The following SORBS2 variants were observed in gnomAD, a reference collection of about 807,000 sequenced individuals.
SORBS2 encodes the protein sorbin and SH3 domain containing 2, also known as sorbin and SH3 domain-containing protein 2.
Under a neutral mutation model 97.7 loss-of-function variants are expected in SORBS2, and 46 were observed. The observed-to-expected ratio is 0.47, with a 90% CI of 0.37 to 0.60. The LOEUF (loss-of-function observed/expected upper bound fraction) is 0.60, where lower values mean the gene tolerates loss of function less well. SORBS2 is among the 20% of genes least tolerant of loss of function. The pLI is 0.00. For missense variants in SORBS2, 1,316 were observed against 1,282.3 expected, an observed-to-expected ratio of 1.03 and a Z score of -0.40; for synonymous variants, 476 against 473.4, an observed-to-expected ratio of 1.01 and a Z score of -0.07.
intron 5 of SORBS2, 90 bp downstream of exon 8, chr4:185,662,014 C>T (rs1000630285): frequency 4.3e-5 from 62 of 1,453,592 alleles, no homozygotes; most frequent in Middle Eastern, 4.5e-4. Context: ...TGAGCGCTCC[C>T]GCCTCACCTT....
At chr4:185,930,996 A>G (rs747907821) in intron 1 of SORBS2, among the ~76,000 whole-genome samples, 1 of 152,188 alleles carries the variant, frequency 6.6e-6, no homozygotes, top group Non-Finnish European at 1.5e-5. Flanking sequence ...ATAGTAAGTT[A>G]GAGAATGCTG....
At chr4:185,688,874 A>G (rs917679074) in intron 2 of SORBS2, among the ~76,000 whole-genome samples, 7 of 151,892 alleles carry the variant, frequency 4.6e-5, no homozygotes, top group African/African-American at 1.7e-4. Flanking sequence ...TTTGAATACC[A>G]TATTTTCCAA....
chr4:185,745,422 C>A (rs573202733), intron 2 of SORBS2, among the ~76,000 whole-genome samples: 20 of 152,142 alleles, frequency 1.3e-4, no homozygotes, highest in African/African-American at 4.6e-4. Flanking sequence ...GCTTCACTTG[C>A]GTTAAGAATT....
chr4:185,590,420 GA>G (rs2153355553), intron 13 of SORBS2, among the ~76,000 whole-genome samples: 1 of 152,250 alleles, frequency 6.6e-6, no homozygotes, highest in East Asian at 1.9e-4. Context: ...GTTTTCTGAG[GA>G]TGTAGAATTG....
At chr4:185,649,398 A>T (rs1316478480) in intron 3 of SORBS2, 69 bp downstream of exon 12, 4 of 1,299,774 alleles carry the variant, frequency 3.1e-6, no homozygotes, top group Admixed American at 5.6e-5. Context: ...TGATTCTTCT[A>T]CTGAATGCCA....
intron 12 of SORBS2, among the ~76,000 whole-genome samples, chr4:185,605,431 C>T (rs2096387640): frequency 6.6e-6 from 1 of 152,006 alleles, no homozygotes; most frequent in African/African-American, 2.4e-5. Flanking sequence ...TACAGGCACC[C>T]AACACCATGT....
At chr4:185,951,997 T>C (rs982152471) in intron 1 of SORBS2, among the ~76,000 whole-genome samples, 3 of 151,950 alleles carry the variant, frequency 2.0e-5, no homozygotes, top group Admixed American at 6.6e-5. Context: ...GATGGCAGAA[T>C]ATCAAAAGTG....
chr4:185,642,402 T>C (rs952024539), intron 4 of SORBS2, among the ~76,000 whole-genome samples: 1 of 151,478 alleles, frequency 6.6e-6, no homozygotes, highest in Non-Finnish European at 1.5e-5. Context: ...AATGCTTTAT[T>C]AATTTTTTTT....
intron 1 of SORBS2, among the ~76,000 whole-genome samples, chr4:185,813,804 A>T (rs13122585): frequency 6.6e-6 from 1 of 152,148 alleles, no homozygotes; most frequent in Non-Finnish European, 1.5e-5. Context: ...CTCTTCTGCG[A>T]CTCCCCTGTA....
In SORBS2 at chr4:185,606,402, C is replaced by T. The variant is rs895559058; in HGVS notation, c.2796+5378G>A. 5.4e-5 allele frequency: 52 copies of T among 958,610 alleles called. No individual in the cohort carries two copies. The highest frequency in any genetic ancestry group is 1.2e-4 in the Admixed American group (2 of 16,226). 59.4% of individuals were successfully genotyped at this position (958,610 alleles called of 1,614,324 possible). A position where few individuals can be genotyped will look rare whatever the true frequency, so the allele number is the denominator to read the frequency against. ...ATAATGGAATTATATCACATATTTA[C>T]ATCATTTAATTAAATATGGTGTGTT... On this transcript the variant is annotated intron_variant, in intron 12 of 14. Coordinates refer to ENST00000418609, the Ensembl canonical transcript of SORBS2. The surrounding 1 kb of genome is among the most constrained non-coding windows in gnomAD (Gnocchi z 4.3).
At chr4:185,780,196 G>A (rs1446584335) in intron 1 of SORBS2, among the ~76,000 whole-genome samples, 2 of 151,800 alleles carry the variant, frequency 1.3e-5, no homozygotes, top group African/African-American at 4.8e-5. Context: ...TGTGTTTTTA[G>A]TAGAGATGGG....
At chr4:185,587,863 T>C in intron 14 of SORBS2, 175 bp from the exon 27 acceptor site, 1 of 556,866 alleles carries the variant, frequency 1.8e-6, no homozygotes, top group Non-Finnish European at 3.2e-6. Context: ...CAGTGTTAGC[T>C]GGTTGCCTGA....
At chr4:185,864,769 G>A (rs1192836361) in intron 1 of SORBS2, among the ~76,000 whole-genome samples, 2 of 151,992 alleles carry the variant, frequency 1.3e-5, no homozygotes, top group African/African-American at 2.4e-5. Context: ...AAAATTACCC[G>A]GGCATGGTGT....
At chr4:185,601,325 T>C (rs1172748931) in intron 12 of SORBS2, among the ~76,000 whole-genome samples, 1 of 152,180 alleles carries the variant, frequency 6.6e-6, no homozygotes, top group Admixed American at 6.5e-5. Context: ...CTGGATGTAC[T>C]CATGTCATAA....
At chr4:185,615,990 CT>C (rs1165002631) in intron 9 of SORBS2, among the ~76,000 whole-genome samples, 1 of 152,008 alleles carries the variant, frequency 6.6e-6, no homozygotes, top group Admixed American at 6.6e-5. Context: ...TCAATTTTTC[CT>C]GGCTTAATCA....
At chr4:185,944,657 CA>C (rs1176230699) in intron 1 of SORBS2, among the ~76,000 whole-genome samples, 1 of 152,172 alleles carries the variant, frequency 6.6e-6, no homozygotes, top group Non-Finnish European at 1.5e-5. Context: ...AGTTCAGGAA[CA>C]TACATATATC....
At chr4:185,930,839 A>T (rs1234596488) in intron 1 of SORBS2, among the ~76,000 whole-genome samples, 2 of 152,216 alleles carry the variant, frequency 1.3e-5, no homozygotes. Flanking sequence ...TGACTTGTAT[A>T]CGAATTCTGT....
chr4:185,639,302 T>A (rs2097089448), intron 4 of SORBS2, among the ~76,000 whole-genome samples: 1 of 152,134 alleles, frequency 6.6e-6, no homozygotes, highest in Non-Finnish European at 1.5e-5. Flanking sequence ...ATACCGTGGA[T>A]GGCGGGGAAG....
At chr4:185,921,942 A>G (rs183477799) in intron 1 of SORBS2, among the ~76,000 whole-genome samples, 149 of 152,324 alleles carry the variant, frequency 9.8e-4, no homozygotes, top group Admixed American at 2.4e-3. Flanking sequence ...AACACTGCCA[A>G]TCACGTAAGC....
Sources: allele counts gnomAD v4.1 joint callset (sites outside exome capture counted in the v4.1 genomes callset), GRCh38; gene constraint gnomAD v4.1.1; non-coding constraint Gnocchi (gnomAD v3.1); transcripts MANE v1.5; gene names NCBI Gene and HGNC (gene_info 2026-07-23, HGNC 2026-07-21).